Variants in CNTNAP4 observed in about 807,000 individuals in gnomAD.
The protein encoded by CNTNAP4 is contactin associated protein family member 4.
In CNTNAP4, 98 loss-of-function variants were observed where a neutral mutation model predicts 148.4. That is an observed-to-expected ratio of 0.66 (90% CI 0.56 to 0.78). The LOEUF is 0.78. Among genes scored for constraint, CNTNAP4 ranks in the 30% least tolerant of loss-of-function variants. The probability of loss-of-function intolerance (pLI) is 0.00; values close to 1 mark genes in which losing one functional copy is unlikely to be tolerated. For synonymous variants in CNTNAP4, 730 were observed against 565.1 expected (o/e 1.29, Z -4.14); for missense variants, 1,935 against 1,565.6 (o/e 1.24, Z -3.98).
chr16:76,303,083 A>T (rs1197193657), intron 1 of CNTNAP4, among the ~76,000 whole-genome samples: 1 of 152,194 alleles, frequency 6.6e-6, no homozygotes, highest in Non-Finnish European at 1.5e-5. Flanking sequence ...AGACCAGCCA[A>T]ACTTTTTCCT....
At chr16:76,558,003 T>C (rs957921789) in intron 23 of CNTNAP4, 5 of 152,290 alleles carry the variant, frequency 3.3e-5, no homozygotes, top group Admixed American at 1.3e-4. Context: ...TTTGTATATG[T>C]GTTATTGGTC....
At chr16:76,317,004 G>GCCACCA (rs1961829396) in intron 2 of CNTNAP4, among the ~76,000 whole-genome samples, 1 of 152,072 alleles carries the variant, frequency 6.6e-6, no homozygotes, top group South Asian at 2.1e-4. Context: ...GGTGGTTCAT[G>GCCACCA]CCTATAATGC....
intron 3 of CNTNAP4, among the ~76,000 whole-genome samples, chr16:76,372,226 G>C (rs1440868727): frequency 6.9e-6 from 1 of 144,896 alleles, no homozygotes; most frequent in Non-Finnish European, 1.5e-5. Context: ...TGCAAGCTCC[G>C]CCTCCCAGGT....
intron 3 of CNTNAP4, among the ~76,000 whole-genome samples, chr16:76,417,236 C>T (rs1198933690): frequency 4.6e-5 from 7 of 151,328 alleles, no homozygotes; most frequent in Non-Finnish European, 1.0e-4. Context: ...TAATATGTAT[C>T]ATGCTTTTAA....
Position 76,449,800 on chromosome 16 carries a change from A to G in CNTNAP4, c.1013A>G (p.Tyr338Cys), listed in dbSNP as rs1242383228. ...CATGGATGTTTAGAAAATCTCTATT[A>G]TAATGGAGTGGATATCATTGATTTG... Reference protein sequence around the residue: ...NFHGCLENLYYNGVDIIDLAK... With the variant: ...NFHGCLENLYCNGVDIIDLAK... The change falls in exon 7 of 24, where the codon TAT (tyrosine) becomes TGT (cysteine). Residue 338 changes from tyrosine to cysteine, a missense_variant. By Grantham distance (194) the Tyr-to-Cys change is radical. Coordinates refer to ENST00000611870, the MANE Select transcript of CNTNAP4 (RefSeq NM_033401.5). The G allele has an allele frequency of 1.2e-6, 2 of 1,604,378 alleles. No individual in the cohort carries two copies. Among genetic ancestry groups the G allele is most frequent in the Non-Finnish European group, 1.7e-6 (2 of 1,175,142 alleles).
Position 76,506,412 on chromosome 16 carries a change from CTCCCTTCCTTCCTCCCT to C in CNTNAP4, c.2365+7727_2365+7743del, listed in dbSNP as rs374475664. Among the ~76,000 whole-genome samples the C allele has an allele frequency of 3.2e-3, 134 of 41,710 alleles. 18 individuals carry two copies. Among genetic ancestry groups the C allele is most frequent in the African/African-American group, 5.2e-3 (128 of 24,538 alleles). 27.4% of individuals were successfully genotyped at this position (41,710 alleles called of 152,430 possible). A position where few individuals can be genotyped will look rare whatever the true frequency, so the allele number is the denominator to read the frequency against. On this transcript the variant is annotated intron_variant, in intron 15 of 23. Coordinates refer to ENST00000611870, the MANE Select transcript of CNTNAP4 (RefSeq NM_033401.5). Reference sequence around the variant, plus strand: ...CCTTCTTTCCTTCTTTCCTCCCTTCCTCCCTTCCTTCCTCCCTTCCCTTCCCTTCCCTTCTTCCCTCC... The same window carrying C: ...CCTTCTTTCCTTCTTTCCTCCCTTCCTCCCTTCCCTTCCCTTCTTCCCTCC...
chr16:76,502,799 T>C (rs897567297), intron 15 of CNTNAP4, among the ~76,000 whole-genome samples: 60 of 144,310 alleles, frequency 4.2e-4, no homozygotes, highest in African/African-American at 1.4e-3. Flanking sequence ...AGATTAACAC[T>C]TTTTTTTTTT....
intron 3 of CNTNAP4, among the ~76,000 whole-genome samples, chr16:76,368,156 A>T (rs1213046936): frequency 6.6e-6 from 1 of 152,176 alleles, no homozygotes; most frequent in Non-Finnish European, 1.5e-5. Flanking sequence ...TTCATCTTAG[A>T]TTCTCCTGCA....
intron 11 of CNTNAP4, among the ~76,000 whole-genome samples, chr16:76,476,410 A>G (rs1220948884): frequency 6.6e-6 from 1 of 152,202 alleles, no homozygotes; most frequent in African/African-American, 2.4e-5. Flanking sequence ...TACTATTCAT[A>G]CAATTAAACA....
At chr16:76,469,404 C>A (rs1389849825) in intron 10 of CNTNAP4, 1 of 152,160 alleles carries the variant, frequency 6.6e-6, no homozygotes, top group African/African-American at 2.4e-5. Context: ...GAGAGGCTTC[C>A]TGGGCCTGGC....
At chr16:76,503,938 A>G (rs1232031603) in intron 15 of CNTNAP4, among the ~76,000 whole-genome samples, 2 of 152,100 alleles carry the variant, frequency 1.3e-5, no homozygotes, top group African/African-American at 2.4e-5. Flanking sequence ...AAATATAACA[A>G]ATTATTAAGA....
intron 17 of CNTNAP4, among the ~76,000 whole-genome samples, chr16:76,532,801 G>A (rs781375850): frequency 1.3e-5 from 2 of 152,086 alleles, no homozygotes; most frequent in Non-Finnish European, 2.9e-5. Context: ...TGAGCCCTGG[G>A]AGCTCACTGA....
chr16:76,383,503 A>G (rs528741584), intron 3 of CNTNAP4, among the ~76,000 whole-genome samples: 1 of 152,278 alleles, frequency 6.6e-6, no homozygotes, highest in African/African-American at 2.4e-5. Flanking sequence ...GTTGATTGAA[A>G]GAAAAAGGAA....
intron 3 of CNTNAP4, among the ~76,000 whole-genome samples, chr16:76,395,530 C>T (rs1040219256): frequency 2.6e-5 from 4 of 151,824 alleles, no homozygotes; most frequent in Non-Finnish European, 4.4e-5. Context: ...TCCCAAAGTG[C>T]TGGTATTACA....
chr16:76,363,129 C>A (rs1331505905), intron 3 of CNTNAP4, among the ~76,000 whole-genome samples: 1 of 149,386 alleles, frequency 6.7e-6, no homozygotes, highest in African/African-American at 2.4e-5. Flanking sequence ...ACTGGATATC[C>A]ACATGCAAAA....
rs7187194 is a variant in CNTNAP4 at position 76,417,493 on chromosome 16, G to A, written c.391-9959G>A. 5.2e-3 allele frequency among the ~76,000 whole-genome samples: 787 copies of A among 151,268 alleles called. 10 individuals are homozygous for A. Among genetic ancestry groups the A allele is most frequent in the African/African-American group, 0.018 (760 of 41,394 alleles). ...AGAGTATTCCTAACTTCTCCCTTACGTACCTGACAACATTCATTTGTAATT... is the reference window on the plus strand; with the variant it reads ...AGAGTATTCCTAACTTCTCCCTTACATACCTGACAACATTCATTTGTAATT... On this transcript the variant is annotated intron_variant, in intron 3 of 23. Transcript: ENST00000611870.
intron 15 of CNTNAP4, among the ~76,000 whole-genome samples, chr16:76,499,948 TGTCTACTTCTTTCTACAC>T (rs2082561754): frequency 6.6e-6 from 1 of 152,112 alleles, no homozygotes. Context: ...GAGTCTCCTA[TGTCTACTTCTTTCTACAC>T]AGACACAGTA....
intron 11 of CNTNAP4, among the ~76,000 whole-genome samples, 162 bp from the exon 12 acceptor site, chr16:76,479,257 A>G (rs1313625074): frequency 6.6e-6 from 1 of 152,142 alleles, no homozygotes; most frequent in African/African-American, 2.4e-5. Flanking sequence ...ATCCATATTA[A>G]TTTTAAAAAA....
chr16:76,522,000 G>C (rs930392876), intron 16 of CNTNAP4, 39 bp from the exon 17 acceptor site: 11 of 1,589,324 alleles, frequency 6.9e-6, no homozygotes, highest in Non-Finnish European at 9.5e-6. Flanking sequence ...CTTCGCCATA[G>C]GAACTCACTA....
Sources: allele counts gnomAD v4.1 joint callset (sites outside exome capture counted in the v4.1 genomes callset), GRCh38; gene constraint gnomAD v4.1.1; transcripts MANE v1.5; gene names NCBI Gene and HGNC (gene_info 2026-07-23, HGNC 2026-07-21).